Variants in EIF3H observed in about 807,000 individuals in gnomAD.
EIF3H encodes eukaryotic translation initiation factor 3 subunit H.
Under a neutral mutation model 44.2 loss-of-function variants are expected in EIF3H, and 26 were observed. That is an observed-to-expected ratio of 0.59 (90% CI 0.43 to 0.82). The LOEUF is 0.82. EIF3H is among the 40% of genes least tolerant of loss of function. The pLI is 0.00. For missense variants in EIF3H, 359 were observed against 432.8 expected (o/e 0.83, Z 1.51); for synonymous variants, 166 against 151.9 (o/e 1.09, Z -0.68).
intron 1 of EIF3H, among the ~76,000 whole-genome samples, chr8:116,748,904 G>C (rs1815283943): frequency 6.6e-6 from 1 of 151,966 alleles, no homozygotes; most frequent in Non-Finnish European, 1.5e-5. Flanking sequence ...TACTGTATTG[G>C]TTTTTATTTG....
intron 2 of EIF3H, among the ~76,000 whole-genome samples, chr8:116,708,145 T>G (rs1474893140): frequency 6.6e-6 from 1 of 152,144 alleles, no homozygotes; most frequent in African/African-American, 2.4e-5. Flanking sequence ...GACGGTAACA[T>G]TCTTAGGTGT....
chr8:116,759,315 A>G (rs1240806978), upstream of EIF3H, among the ~76,000 whole-genome samples: 2 of 152,202 alleles, frequency 1.3e-5, no homozygotes, highest in South Asian at 2.1e-4. Context: ...GGCGCTGCCC[A>G]TGTGTGATTA....
chr8:116,732,890 G>A (rs990196108), intron 1 of EIF3H, among the ~76,000 whole-genome samples: 14 of 152,026 alleles, frequency 9.2e-5, no homozygotes, highest in Admixed American at 7.9e-4. Context: ...TCTTCAATTC[G>A]CCCAACACCA....
intron 1 of EIF3H, among the ~76,000 whole-genome samples, chr8:116,730,059 T>C (rs572370609): frequency 6.6e-6 from 1 of 152,344 alleles, no homozygotes; most frequent in East Asian, 1.9e-4. Context: ...AAAACTAAGC[T>C]AGCTCATTCT....
intron 2 of EIF3H, among the ~76,000 whole-genome samples, chr8:116,676,596 CA>C (rs1813851483): frequency 6.6e-6 from 1 of 152,180 alleles, no homozygotes; most frequent in African/African-American, 2.4e-5. Flanking sequence ...ATGGGGATTA[CA>C]ATTCAAGATG....
chr8:116,766,345 C>T (rs143884795), upstream of EIF3H: 425 of 407,292 alleles, frequency 1.0e-3, 1 homozygote, highest in African/African-American at 6.5e-3. Flanking sequence ...TGCGGAATCG[C>T]GCACCCCAGC....
intron 1 of EIF3H, among the ~76,000 whole-genome samples, chr8:116,762,309 T>A (rs908538821): frequency 1.3e-5 from 2 of 152,220 alleles, no homozygotes; most frequent in East Asian, 3.8e-4. Flanking sequence ...TTTCTTCTCA[T>A]GTAAAAGAAA....
intron 2 of EIF3H, among the ~76,000 whole-genome samples, chr8:116,669,590 G>A (rs1412560546): frequency 6.6e-6 from 1 of 152,160 alleles, no homozygotes; most frequent in Non-Finnish European, 1.5e-5. Context: ...CTTAGGAGAA[G>A]GGCCCACTCC....
intron 1 of EIF3H, 85 bp from the exon 2 acceptor site, chr8:116,726,257 G>A (rs1025595022): frequency 3.5e-6 from 5 of 1,437,402 alleles, no homozygotes; most frequent in Admixed American, 4.9e-5. Flanking sequence ...AAAAGAAACT[G>A]TACTAGGTTT....
intron 2 of EIF3H, among the ~76,000 whole-genome samples, chr8:116,710,460 T>C (rs191811023): frequency 3.3e-5 from 5 of 152,352 alleles, no homozygotes; most frequent in African/African-American, 1.2e-4. Flanking sequence ...GTTTAGTGTC[T>C]GTATACATTC....
At chr8:116,709,080 A>G (rs1023143626) in intron 2 of EIF3H, among the ~76,000 whole-genome samples, 1 of 152,136 alleles carries the variant, frequency 6.6e-6, no homozygotes, top group African/African-American at 2.4e-5. Context: ...CAATTTAAAT[A>G]GACAAGCCTT....
Position 116,666,753 on chromosome 8 carries a change from C to CAAAAAAAAAAAAAA in EIF3H, c.290-7787_290-7774dup, listed in dbSNP as rs56700266. ...CCAAATGAGAATCTTTAGTGTTAGG[C>CAAAAAAAAAAAAAA]AAAAAAAAAAAAAAAAAAAAAAATT... On this transcript the variant is annotated intron_variant, in intron 2 of 7. Transcript: ENST00000521861. 5.2e-4 allele frequency among the ~76,000 whole-genome samples: 37 copies of CAAAAAAAAAAAAAA among 71,448 alleles called. 6 individuals are homozygous for CAAAAAAAAAAAAAA. The highest frequency in any genetic ancestry group is 2.5e-3 in the African/African-American group (37 of 14,604). 46.9% of individuals were successfully genotyped at this position (71,448 alleles called of 152,430 possible). A position where few individuals can be genotyped will look rare whatever the true frequency, so the allele number is the denominator to read the frequency against.
chr8:116,752,038 G>A (rs1420355016), intron 1 of EIF3H, among the ~76,000 whole-genome samples: 1 of 152,174 alleles, frequency 6.6e-6, no homozygotes, highest in Non-Finnish European at 1.5e-5. Flanking sequence ...AATATGCACA[G>A]ATGGAGAAGA....
chr8:116,654,329 T>C (rs949278362), intron 5 of EIF3H, among the ~76,000 whole-genome samples: 2 of 152,248 alleles, frequency 1.3e-5, no homozygotes, highest in Non-Finnish European at 2.9e-5. Flanking sequence ...AAATGCTGCT[T>C]TGGACAAATG....
At chr8:116,653,340 C>T (rs948312747) in intron 5 of EIF3H, among the ~76,000 whole-genome samples, 1 of 147,972 alleles carries the variant, frequency 6.8e-6, no homozygotes, top group Non-Finnish European at 1.5e-5. Context: ...AGAAAAAAAA[C>T]AATCAGAAAC....
intron 1 of EIF3H, among the ~76,000 whole-genome samples, chr8:116,752,088 T>C (rs897222533): frequency 7.2e-5 from 11 of 152,194 alleles, no homozygotes; most frequent in Non-Finnish European, 1.5e-4. Flanking sequence ...AAAGGAAGGA[T>C]AGTGATTGAC....
intron 1 of EIF3H, among the ~76,000 whole-genome samples, chr8:116,735,906 C>T (rs1306906384): frequency 6.6e-6 from 1 of 152,040 alleles, no homozygotes; most frequent in Non-Finnish European, 1.5e-5. Context: ...TGACAACAAT[C>T]CATCACATGA....
At position 116,755,780 on chromosome 8, in the gene EIF3H, T is replaced by C. The variant is rs1474298774; in HGVS notation, c.18A>G (p.Glu6=). 2 of 1,613,904 alleles carry C rather than the reference T, an allele frequency of 1.2e-6. No individual in the cohort carries two copies. Among genetic ancestry groups the C allele is most frequent in the East Asian group, 4.5e-5 (2 of 44,862 alleles). ...AAGAGGTGGCAGTAGAGCCGGTACC[T>C]TCCTTGCGGGACGCCATCTTTCCAA... MASRK[E]GTGSTATSSS... The change falls in exon 1 of 8, where the codon GAA becomes GAG. Residue 6 remains glutamate, a synonymous_variant. Coordinates refer to ENST00000521861, the MANE Select transcript of EIF3H (RefSeq NM_003756.3).
chr8:116,671,940 A>G (rs574901391), intron 2 of EIF3H, among the ~76,000 whole-genome samples: 7 of 152,390 alleles, frequency 4.6e-5, no homozygotes, highest in Non-Finnish European at 1.0e-4. Flanking sequence ...GCCATTACAA[A>G]TAATAAATCA....
Sources: allele counts gnomAD v4.1 joint callset (sites outside exome capture counted in the v4.1 genomes callset), GRCh38; gene constraint gnomAD v4.1.1; transcripts MANE v1.5; gene names NCBI Gene and HGNC (gene_info 2026-07-23, HGNC 2026-07-21).